C21orf58: variants seen among roughly 807,000 people sequenced by gnomAD.
C21orf58 encodes uncharacterized protein C21orf58.
In C21orf58, 34 loss-of-function variants were observed where a neutral mutation model predicts 35.8. The ratio of observed to expected loss-of-function variants is 0.95; its 90% CI spans 0.72 to 1.26. The LOEUF (loss-of-function observed/expected upper bound fraction) is 1.26, where lower values mean the gene tolerates loss of function less well. Ranked by LOEUF, C21orf58 falls within the 50% of genes most tolerant of loss-of-function variation. C21orf58 has a pLI of 0.00. For synonymous variants in C21orf58, 191 were observed against 175.8 expected (o/e 1.09, Z -0.68); for missense variants, 440 against 414.3 (o/e 1.06, Z -0.54).
intron 6 of C21orf58, among the ~76,000 whole-genome samples, chr21:46,305,077 CAGAT>C (rs1259135197): frequency 6.6e-6 from 1 of 152,110 alleles, no homozygotes; most frequent in African/African-American, 2.4e-5. Context: ...CACACAAAGA[CAGAT>C]ACTGTACGGC....
chr21:46,321,990 A>G (rs1486392707), intron 1 of C21orf58, among the ~76,000 whole-genome samples: 1 of 144,874 alleles, frequency 6.9e-6, no homozygotes, highest in South Asian at 2.2e-4. Context: ...GCTTTTTAAT[A>G]GTTTAAAATG....
intron 1 of C21orf58, among the ~76,000 whole-genome samples, chr21:46,319,323 G>A (rs557478616): frequency 3.9e-5 from 6 of 152,312 alleles, no homozygotes; most frequent in African/African-American, 1.4e-4. Context: ...AATGAAGTCA[G>A]CATGAAACCA....
chr21:46,323,555 C>A lies in C21orf58; in HGVS notation c.-817G>T, dbSNP rs1182119942. ...TTCTTCTCTGAAGACCCAGGACCCC[C>A]GGCCGAGGGGGCGCATTCGGCGGGC... On this transcript the variant is annotated 5_prime_UTR_variant, in exon 1 of 8. Coordinates refer to ENST00000291691, the MANE Select transcript of C21orf58 (RefSeq NM_058180.5). The A allele has an allele frequency of 6.5e-6, 1 of 153,620 alleles. No individual in the cohort carries two copies. The allele number at this position is 153,620 out of a possible 1,614,324, so 9.5% of individuals were successfully genotyped here.
intron 1 of C21orf58, chr21:46,318,557 C>T: frequency 8.2e-7 from 1 of 1,220,490 alleles, no homozygotes; most frequent in Non-Finnish European, 1.0e-6. Context: ...GAGGGCGCCC[C>T]ACCTGTGTAC....
intron 6 of C21orf58, among the ~76,000 whole-genome samples, chr21:46,308,272 C>T (rs2082514511): frequency 6.6e-6 from 1 of 152,050 alleles, no homozygotes; most frequent in African/African-American, 2.4e-5. Flanking sequence ...ACCAGCCTGG[C>T]CAACATGGAG....
intron 5 of C21orf58, among the ~76,000 whole-genome samples, chr21:46,312,538 C>T (rs1256157811): frequency 6.6e-6 from 1 of 152,028 alleles, no homozygotes; most frequent in Non-Finnish European, 1.5e-5. Context: ...AGGCTGGTCT[C>T]GAACTCCTGA....
At chr21:46,302,615 C>T (rs896924630) in intron 6 of C21orf58, 39 bp from the exon 7 acceptor site, 4 of 1,515,702 alleles carry the variant, frequency 2.6e-6, no homozygotes, top group Admixed American at 1.8e-5. Flanking sequence ...ATAAAGTTTC[C>T]GTTTTTCCTA....
chr21:46,302,444 C>T (rs1395949076), intron 7 of C21orf58, 41 bp downstream of exon 7: 9 of 1,472,260 alleles, frequency 6.1e-6, no homozygotes, highest in Non-Finnish European at 8.4e-6. Context: ...CACCCAGGCC[C>T]TGTTTCCTTG....
chr21:46,321,291 C>A (rs2083149216), intron 1 of C21orf58, among the ~76,000 whole-genome samples: 1 of 152,180 alleles, frequency 6.6e-6, no homozygotes, highest in Non-Finnish European at 1.5e-5. Context: ...GCCTCAGCCT[C>A]TCGAGTAGCT....
At chr21:46,302,708 C>T in intron 6 of C21orf58, 132 bp from the exon 7 acceptor site, 1 of 720,738 alleles carries the variant, frequency 1.4e-6, no homozygotes, top group African/African-American at 1.8e-5. Context: ...GGCTCTGAGT[C>T]CGTCTGCACA....
intron 3 of C21orf58, among the ~76,000 whole-genome samples, chr21:46,316,292 C>G (rs764723995): frequency 6.6e-6 from 1 of 152,090 alleles, no homozygotes; most frequent in Non-Finnish European, 1.5e-5. Flanking sequence ...CCCTTCTCTA[C>G]TAAAAATACA....
At chr21:46,312,198 C>T (rs955295901) in intron 5 of C21orf58, among the ~76,000 whole-genome samples, 58 of 152,144 alleles carry the variant, frequency 3.8e-4, no homozygotes, top group Admixed American at 1.8e-3. Context: ...GTACTTCAGT[C>T]TAGATATCAC....
intron 1 of C21orf58, among the ~76,000 whole-genome samples, chr21:46,321,901 C>CTTTTT (rs397867797): frequency 4.2e-5 from 5 of 119,118 alleles, no homozygotes; most frequent in African/African-American, 9.6e-5. Flanking sequence ...ATCTGGGCAG[C>CTTTTT]TTTTTTTTTT....
intron 6 of C21orf58, among the ~76,000 whole-genome samples, chr21:46,310,345 G>C (rs1197817539): frequency 1.3e-5 from 2 of 151,992 alleles, no homozygotes; most frequent in African/African-American, 2.4e-5. Context: ...TGGGCATGGT[G>C]GTGGGCACCA....
chr21:46,315,813 G>A (rs1015458647), intron 3 of C21orf58, among the ~76,000 whole-genome samples: 1 of 152,168 alleles, frequency 6.6e-6, no homozygotes. Context: ...CTGGAAGGGA[G>A]GCTGAAATGA....
rs539983670 is a variant in C21orf58, at chr21:46,316,831, C to T, written c.370+377G>A. On this transcript the variant is annotated intron_variant, in intron 3 of 7. Coordinates refer to ENST00000291691, the MANE Select transcript of C21orf58 (RefSeq NM_058180.5). ...CTGGCCTCCTCAGCTTCTCCCTGGA[C>T]GTCCCCGGGTAACAGTGAGGACAGC... 2.2e-4 allele frequency among the ~76,000 whole-genome samples: 33 copies of T among 152,334 alleles called. No homozygotes were observed. The East Asian group carries it at 2.7e-3, about 13-fold the overall frequency.
At chr21:46,321,288 C>T (rs1342303370) in intron 1 of C21orf58, among the ~76,000 whole-genome samples, 1 of 152,184 alleles carries the variant, frequency 6.6e-6, no homozygotes. Context: ...TCTGCCTCAG[C>T]CTCTCGAGTA....
rs887146650 is a variant in C21orf58, at chr21:46,315,162, C to G, written c.445-282G>C. On this transcript the variant is annotated intron_variant, in intron 4 of 7. Transcript: ENST00000291691. ...GGCCTACTTTTTTCTAGGTCTCCCCCTAGAAAAGCGGCCCCACCTCCCCTG... is the reference window on the plus strand; with the variant it reads ...GGCCTACTTTTTTCTAGGTCTCCCCGTAGAAAAGCGGCCCCACCTCCCCTG... 15 of 757,502 alleles carry G rather than the reference C, an allele frequency of 2.0e-5. No individual in the cohort carries two copies. In the Admixed American group the frequency reaches 3.9e-4, roughly 19 times the overall value. 46.9% of individuals were successfully genotyped at this position (757,502 alleles called of 1,614,324 possible). A position where few individuals can be genotyped will look rare whatever the true frequency, so the allele number is the denominator to read the frequency against.
At chr21:46,303,651 C>T (rs894590389) in intron 6 of C21orf58, among the ~76,000 whole-genome samples, 3 of 137,452 alleles carry the variant, frequency 2.2e-5, no homozygotes, top group Non-Finnish European at 4.6e-5. Context: ...CAGGAGCTGA[C>T]ACCAGTCATA....
Sources: gnomAD v4.1 joint callset for allele counts (sites outside exome capture counted in the v4.1 genomes callset) on GRCh38, gnomAD v4.1.1 for gene constraint, MANE v1.5 for transcripts, NCBI Gene and HGNC (gene_info 2026-07-23, HGNC 2026-07-21) for gene names.